Variants in DOCK9 observed in about 807,000 individuals in gnomAD.
DOCK9 encodes the protein dedicator of cytokinesis 9.
Under a neutral mutation model 263.3 loss-of-function variants are expected in DOCK9, and 89 were observed. The observed-to-expected ratio is 0.34, with a 90% CI of 0.28 to 0.40. DOCK9 has a LOEUF of 0.40. Among genes scored for constraint, DOCK9 ranks in the 10% least tolerant of loss-of-function variants. DOCK9 has a pLI of 1.00. For missense variants in DOCK9, 2,140 were observed against 2,603.4 expected (o/e 0.82, Z 3.87); for synonymous variants, 976 against 973.1 (o/e 1.00, Z -0.06).
At chr13:98,848,493 G>A in intron 37 of DOCK9, 99 bp downstream of exon 37, 1 of 1,306,260 alleles carries the variant, frequency 7.7e-7, no homozygotes, top group Non-Finnish European at 1.1e-6. Flanking sequence ...CCGCTTCCAT[G>A]AACCCCAACT....
At chr13:98,915,213 A>C in intron 8 of DOCK9, 116 bp downstream of exon 8, 1 of 965,968 alleles carries the variant, frequency 1.0e-6, no homozygotes. Context: ...AAGAGCTCCT[A>C]TCCGTCCCAC....
chr13:99,024,417 T>G (rs1382983576), intron 1 of DOCK9, among the ~76,000 whole-genome samples: 1 of 152,226 alleles, frequency 6.6e-6, no homozygotes, highest in Non-Finnish European at 1.5e-5. Context: ...CAGGGTATAC[T>G]GACTTTAAAC....
chr13:99,022,500 C>T (rs940109635), intron 1 of DOCK9, among the ~76,000 whole-genome samples: 1 of 152,072 alleles, frequency 6.6e-6, no homozygotes, highest in Non-Finnish European at 1.5e-5. Flanking sequence ...CAATGAGTGA[C>T]CAAGTGAAAG....
chr13:98,999,316 A>ACACACACACACACACACACTCT, intron 1 of DOCK9, among the ~76,000 whole-genome samples: 14 of 138,368 alleles, frequency 1.0e-4, no homozygotes, highest in African/African-American at 2.0e-4. Flanking sequence ...ACACACACAC[A>ACACACACACACACACACACTCT]CTCTCTCTCT....
intron 30 of DOCK9, among the ~76,000 whole-genome samples, chr13:98,865,001 A>G (rs749480266): frequency 1.2e-4 from 18 of 152,172 alleles, no homozygotes; most frequent in Non-Finnish European, 2.6e-4. Flanking sequence ...CCAGAAGCCA[A>G]TGTTGGCGCC....
intron 38 of DOCK9, among the ~76,000 whole-genome samples, chr13:98,838,901 T>TG (rs1456246256): frequency 6.6e-6 from 1 of 150,850 alleles, no homozygotes; most frequent in African/African-American, 2.4e-5. Context: ...AGACCAGTAA[T>TG]GGGAAAAAAA....
Position 98,901,915 on chromosome 13 carries a change from A to G in DOCK9, c.1381-15T>C. On this transcript the variant is annotated splice_polypyrimidine_tract_variant and intron_variant, in intron 12 of 52. Transcript: ENST00000682017. ...GAAAATATTCCCTAGGAGGCAAACA[A>G]TTTTCTTCAGTAAGCAGAATTCACA... 6.2e-7 allele frequency: 1 copy of G among 1,609,630 alleles called. No individual in the cohort carries two copies. Among genetic ancestry groups the G allele is most frequent in the South Asian group, 1.1e-5 (1 of 89,826 alleles).
At chr13:99,057,973 C>T (rs1566368007) in intron 1 of DOCK9, among the ~76,000 whole-genome samples, 3 of 152,054 alleles carry the variant, frequency 2.0e-5, no homozygotes, top group African/African-American at 4.8e-5. Flanking sequence ...AGAATAATTA[C>T]ATAACTTTTA....
intron 1 of DOCK9, among the ~76,000 whole-genome samples, chr13:98,966,189 G>T (rs749541328): frequency 1.3e-5 from 2 of 152,226 alleles, no homozygotes; most frequent in African/African-American, 4.8e-5. Flanking sequence ...TCCTGTGCCC[G>T]GGGAGTCACA....
intron 7 of DOCK9, among the ~76,000 whole-genome samples, chr13:98,916,848 T>A (rs1474118968): frequency 6.6e-6 from 1 of 152,208 alleles, no homozygotes; most frequent in Non-Finnish European, 1.5e-5. Flanking sequence ...GCAAAATAAG[T>A]ATAATAAATT....
At chr13:98,928,324 GT>G (rs1280871008) in intron 3 of DOCK9, among the ~76,000 whole-genome samples, 1 of 152,188 alleles carries the variant, frequency 6.6e-6, no homozygotes, top group African/African-American at 2.4e-5. Flanking sequence ...GGTTTTTGAA[GT>G]TTTTTTCTGC....
chr13:98,928,556 C>A (rs1233037560), intron 3 of DOCK9, among the ~76,000 whole-genome samples: 1 of 152,154 alleles, frequency 6.6e-6, no homozygotes, highest in Non-Finnish European at 1.5e-5. Flanking sequence ...ACTGGGAGAA[C>A]TGAGTTAGCA....
At chr13:98,842,986 T>A (rs950285342) in intron 38 of DOCK9, among the ~76,000 whole-genome samples, 10 of 152,166 alleles carry the variant, frequency 6.6e-5, no homozygotes, top group Admixed American at 2.0e-4. Flanking sequence ...GTGCAGTGCG[T>A]GTGGTGCCTT....
chr13:98,860,628 T>C, intron 32 of DOCK9, 106 bp from the exon 33 acceptor site: 1 of 1,070,518 alleles, frequency 9.3e-7, no homozygotes, highest in Non-Finnish European at 1.3e-6. Context: ...GCCTGATGCA[T>C]TCAACGTGCC....
In DOCK9 at chr13:98,955,528, T is replaced by C; in HGVS notation, c.150A>G (p.Pro50=). The change falls in exon 2 of 53, where the codon CCA becomes CCG. Residue 50 remains proline, a synonymous_variant. Transcript: ENST00000682017. ...GGACGATGACATTTTCATAGTCGAG[T>C]GGCTCAATTAGCTTTGGCTTTGCCT... is the stretch of plus-strand genomic sequence containing the variant. ...PVPAKPKLIE[P]LDYENVIVQK... is the part of the protein sequence containing the mutation. 1 of 1,594,008 alleles carries C rather than the reference T, an allele frequency of 6.3e-7. No homozygotes were observed. The highest frequency in any genetic ancestry group is 8.6e-7 in the Non-Finnish European group (1 of 1,168,856).
In DOCK9 at chr13:98,807,721, A is replaced by T; in HGVS notation, c.5454T>A (p.Leu1818=). The part of the protein sequence containing the change: ...TPLSEISQRL[L]KLYSDKFGSE... The stretch of plus-strand genomic sequence containing the variant: ...AACCAAATTTATCCGAGTACAGTTT[A>T]AGGAGTCTCTGAGAAATTTCCGACA... The change falls in exon 48 of 53, where the codon CTT becomes CTA. Residue 1818 remains leucine, a synonymous_variant. Coordinates refer to ENST00000682017, the MANE Select transcript of DOCK9 (RefSeq NM_001366683.2). 1 of 1,613,864 alleles carries T rather than the reference A, an allele frequency of 6.2e-7. No homozygotes were observed. The highest frequency in any genetic ancestry group is 1.1e-5 in the South Asian group (1 of 91,062).
chr13:98,853,505 T>C lies in DOCK9; in HGVS notation c.3849A>G (p.Thr1283=), dbSNP rs755247661. 6.2e-6 allele frequency: 10 copies of C among 1,612,792 alleles called. No individual in the cohort carries two copies. The highest frequency in any genetic ancestry group is 2.7e-5 in the African/African-American group (2 of 74,900). The change falls in exon 35 of 53, where the codon ACA becomes ACG. Residue 1283 remains threonine (T), a synonymous_variant. Coordinates refer to ENST00000682017, the MANE Select transcript of DOCK9 (RefSeq NM_001366683.2). ...NSLDKHQQSS[T]LGNSVVRCDK... is the part of the protein sequence containing the mutation. ...CACAGCGAACCACGGAATTTCCCAA[T>C]GTGCTACTTTGTTGGTGCTAAAAAG...
At chr13:99,008,236 T>TATA (rs1883807618) in intron 1 of DOCK9, among the ~76,000 whole-genome samples, 16 of 56,694 alleles carry the variant, frequency 2.8e-4, no homozygotes, top group African/African-American at 4.7e-4. Flanking sequence ...ATATATATAT[T>TATA]TTTTTTTTTT....
chr13:99,023,537 G>A (rs1324718114), intron 1 of DOCK9, among the ~76,000 whole-genome samples: 2 of 152,222 alleles, frequency 1.3e-5, no homozygotes, highest in Non-Finnish European at 2.9e-5. Flanking sequence ...AGATGAAAAA[G>A]TTCTGGAGAT....
Sources: allele counts gnomAD v4.1 joint callset (sites outside exome capture counted in the v4.1 genomes callset), GRCh38; gene constraint gnomAD v4.1.1; transcripts MANE v1.5; gene names NCBI Gene and HGNC (gene_info 2026-07-23, HGNC 2026-07-21).